IQGAP3: variants seen among roughly 807,000 people sequenced by gnomAD.
IQGAP3 encodes the protein ras GTPase-activating-like protein IQGAP3.
IQGAP3 carries 165 observed loss-of-function variants against 208.2 expected under a neutral mutation model. The observed-to-expected ratio is 0.79, with a 90% CI of 0.70 to 0.90. The LOEUF is 0.90. IQGAP3 is among the 40% of genes least tolerant of loss of function. IQGAP3 has a pLI of 0.00. For synonymous variants in IQGAP3, 703 were observed against 803.6 expected, an observed-to-expected ratio of 0.87 and a Z score of 2.12; for missense variants, 1,811 against 2,043.1, an observed-to-expected ratio of 0.89 and a Z score of 2.19.
At chr1:156,542,968 TAA>T (rs112732808) in intron 22 of IQGAP3, among the ~76,000 whole-genome samples, 2 of 143,700 alleles carry the variant, frequency 1.4e-5, no homozygotes, top group African/African-American at 5.1e-5. Flanking sequence ...AATAATCAAT[TAA>T]AAAAAAAAAG....
At chr1:156,539,743 C>A (rs893855813) in intron 24 of IQGAP3, 95 bp downstream of exon 24, 65 of 1,422,918 alleles carry the variant, frequency 4.6e-5, no homozygotes, top group Non-Finnish European at 5.9e-5. Context: ...GGAAAGGACA[C>A]CTTGCATGGT....
chr1:156,543,998 T>A lies in IQGAP3; in HGVS notation c.2513A>T (p.Asp838Val). Residue 838 changes from aspartate to valine, a missense_variant, in exon 22 of 38, where the codon GAT (aspartate) becomes GTT (valine). Coordinates refer to ENST00000361170, the MANE Select transcript of IQGAP3 (RefSeq NM_178229.5). The part of the protein sequence containing the change: ...QAFFRARKAQ[D>V]DYRILVHAPH... ...CAGCTCACCTAATATCCTGTAGTCA[T>A]CTTGGGCTTTCCTGGCTCGGAAAAA... is the stretch of plus-strand genomic sequence containing the variant. 1 of 1,614,166 alleles carries A rather than the reference T, an allele frequency of 6.2e-7. No homozygotes were observed. Among genetic ancestry groups the A allele is most frequent in the Non-Finnish European group, 8.5e-7 (1 of 1,180,004 alleles).
intron 27 of IQGAP3, among the ~76,000 whole-genome samples, chr1:156,535,981 T>C (rs1178827407): frequency 6.6e-6 from 1 of 152,222 alleles, no homozygotes; most frequent in African/African-American, 2.4e-5. Flanking sequence ...ATTATCATTA[T>C]TATTCCTATT....
chr1:156,540,680 G>T lies in IQGAP3; in HGVS notation c.2739+28C>A, dbSNP rs751805777. ...CATCTCCAGAGGCAGGCAGATCTCG[G>T]GGAGGGGAGGACTGGTGGGCCCCAT... On this transcript the variant is annotated intron_variant, in intron 23 of 37. Transcript: ENST00000361170. The T allele has an allele frequency of 1.9e-6, 3 of 1,586,010 alleles. No homozygotes were observed. In the Admixed American group the frequency reaches 5.0e-5, roughly 27 times the overall value.
Position 156,540,798 on chromosome 1 carries a change from C to T in IQGAP3, c.2649G>A (p.Arg883=). The T allele has an allele frequency of 6.2e-7, 1 of 1,614,068 alleles. No individual in the cohort carries two copies. Among genetic ancestry groups the T allele is most frequent in the Non-Finnish European group, 8.5e-7 (1 of 1,180,028 alleles). The change falls in exon 23 of 38, where the codon AGG becomes AGA. Residue 883 remains arginine, a synonymous_variant. Coordinates refer to ENST00000361170, the MANE Select transcript of IQGAP3 (RefSeq NM_178229.5). ...CCAGCTGCTGATTGGATCGGATCTT[C>T]CTAACTACCTCTTCCTGGAGCTTCA... ...ELLKLQEEVV[R]KIRSNQQLEQ...
Position 156,539,455 on chromosome 1 carries a change from C to T in IQGAP3, c.2975G>A (p.Ser992Asn), listed in dbSNP as rs940518314. Residue 992 changes from serine to asparagine, a missense_variant, in exon 25 of 38, where the codon AGC becomes AAC. Coordinates refer to ENST00000361170, the MANE Select transcript of IQGAP3 (RefSeq NM_178229.5). ...TTKFMEAVIFSLYNYASSRRE... is the reference protein window; with the variant it reads ...TTKFMEAVIFNLYNYASSRRE... Reference sequence around the variant, plus strand: ...GCGGCTGGAGGCATAGTTGTACAGGCTGAAAATCACTGCCTCCATGAACTT... The same window carrying T: ...GCGGCTGGAGGCATAGTTGTACAGGTTGAAAATCACTGCCTCCATGAACTT... The T allele has an allele frequency of 6.2e-7, 1 of 1,614,024 alleles. No homozygotes were observed. The highest frequency in any genetic ancestry group is 8.5e-7 in the Non-Finnish European group (1 of 1,180,028).
chr1:156,539,285 G>A, intron 25 of IQGAP3, 89 bp downstream of exon 25: 2 of 1,243,478 alleles, frequency 1.6e-6, no homozygotes, highest in Non-Finnish European at 2.3e-6. Flanking sequence ...CTACCCTTAG[G>A]CCTCAACAAG....
chr1:156,544,970 GCA>G (rs1425330573), intron 19 of IQGAP3, among the ~76,000 whole-genome samples: 1 of 152,140 alleles, frequency 6.6e-6, no homozygotes, highest in African/African-American at 2.4e-5. Context: ...GTGTGTACAG[GCA>G]CAGAGCCGTG....
At position 156,563,804 on chromosome 1, in the gene IQGAP3, C is replaced by T. The variant is rs1335817792; in HGVS notation, c.458G>A (p.Gly153Glu). The part of the protein sequence containing the change: ...HALSLFLFRL[G>E]LAPQIHDLYG... ...TAGATCATGTATCTGAGGGGCCAAT[C>T]CCAGCCGGAAGAGGAAGAGACTAGG... Residue 153 changes from glycine to glutamate, a missense_variant, in exon 6 of 38, where the codon GGA (glycine) becomes GAA (glutamate). Transcript: ENST00000361170. 6.2e-7 allele frequency: 1 copy of T among 1,613,952 alleles called. No homozygotes were observed. The highest frequency in any genetic ancestry group is 8.5e-7 in the Non-Finnish European group (1 of 1,179,966).
At chr1:156,559,960 T>G (rs1676070234) in intron 11 of IQGAP3, among the ~76,000 whole-genome samples, 1 of 152,126 alleles carries the variant, frequency 6.6e-6, no homozygotes, top group Non-Finnish European at 1.5e-5. Context: ...CTGAGTGGAT[T>G]AGGAAAGCAG....
Position 156,548,202 on chromosome 1 carries a change from C to T in IQGAP3, c.2175G>A (p.Gln725=). The T allele has an allele frequency of 6.2e-7, 1 of 1,614,144 alleles. No homozygotes were observed. The highest frequency in any genetic ancestry group is 8.5e-7 in the Non-Finnish European group (1 of 1,180,006). ...TKVTAAYDRQ[Q]LWKANVGFVI... is the part of the protein sequence containing the mutation. The stretch of plus-strand genomic sequence containing the variant: ...CAAAGCCGACGTTGGCTTTCCAGAG[C>T]TGTTGGCGGTCATAGGCAGCAGTGA... The change falls in exon 19 of 38, where the codon CAG becomes CAA. Residue 725 remains glutamine (Q), a synonymous_variant. Coordinates refer to ENST00000361170, the MANE Select transcript of IQGAP3 (RefSeq NM_178229.5).
chr1:156,550,122 T>C (rs1675474851), intron 16 of IQGAP3, 139 bp downstream of exon 16: 3 of 637,584 alleles, frequency 4.7e-6, no homozygotes, highest in Non-Finnish European at 2.8e-6. Flanking sequence ...GCAGCCCTCC[T>C]GCTCTGACTC....
At position 156,552,025 on chromosome 1, in the gene IQGAP3, G is replaced by C; in HGVS notation, c.1519C>G (p.Leu507Val). Residue 507 changes from leucine to valine, a missense_variant, in exon 14 of 38, where the codon CTG becomes GTG. Physicochemically the swap from Leu to Val is conservative, Grantham distance 32. Coordinates refer to ENST00000361170, the MANE Select transcript of IQGAP3 (RefSeq NM_178229.5). ...TTGACCTGGCTCACGGTGGCCTGCA[G>C]GTCATTCCAGCTCAGGAAGTCCTCA... ...MGEDFLSWND[L>V]QATVSQVNAQ... 6.2e-7 allele frequency: 1 copy of C among 1,614,158 alleles called. No individual in the cohort carries two copies.
intron 13 of IQGAP3, among the ~76,000 whole-genome samples, chr1:156,553,611 C>T (rs1373390261): frequency 5.2e-5 from 6 of 114,780 alleles, no homozygotes; most frequent in Non-Finnish European, 6.8e-5. Context: ...GATGGAGTTT[C>T]GCTCTTGTTG....
rs760189431 is a variant in IQGAP3 at position 156,561,938 on chromosome 1, T to C, written c.941A>G (p.Lys314Arg). ...GGCCAGGGCAGGGTCTTGAAGGGCC[T>C]TGAGCAAGGCTTCAGGGCTCTGTCT... ...LERQSPEALL[K>R]ALQDPALALR... Residue 314 changes from lysine to arginine, a missense_variant, in exon 10 of 38, where the codon AAG becomes AGG. Transcript: ENST00000361170. 9 of 1,613,986 alleles carry C rather than the reference T, an allele frequency of 5.6e-6. No individual in the cohort carries two copies. Among genetic ancestry groups the C allele is most frequent in the Non-Finnish European group, 7.6e-6 (9 of 1,179,938 alleles).
intron 19 of IQGAP3, among the ~76,000 whole-genome samples, chr1:156,546,951 C>T (rs899905718): frequency 2.0e-5 from 3 of 152,240 alleles, no homozygotes; most frequent in Admixed American, 1.3e-4. Context: ...GAAGTGATTA[C>T]TCACCCGTGG....
intron 16 of IQGAP3, among the ~76,000 whole-genome samples, chr1:156,549,741 C>G (rs1207467120): frequency 1.3e-5 from 2 of 152,216 alleles, no homozygotes; most frequent in Non-Finnish European, 1.5e-5. Flanking sequence ...CTGCCTTCCA[C>G]TCACTAGCAG....
intron 11 of IQGAP3, 103 bp from the exon 12 acceptor site, chr1:156,556,796 G>T: frequency 9.1e-7 from 1 of 1,099,866 alleles, no homozygotes; most frequent in Non-Finnish European, 1.3e-6. Flanking sequence ...TGGGGAAATG[G>T]CTTTCCAACT....
chr1:156,569,528 CTTTTTTTTTTTTT>C (rs34005985), intron 1 of IQGAP3, 65 bp from the exon 2 acceptor site: 1 of 137,388 alleles, frequency 7.3e-6, no homozygotes. Context: ...ACTGAAGGGT[CTTTTTTTTTTTTT>C]TTTTTTTTTT....
Sources: gnomAD v4.1 joint callset for allele counts (sites outside exome capture counted in the v4.1 genomes callset) on GRCh38, gnomAD v4.1.1 for gene constraint, MANE v1.5 for transcripts, NCBI Gene and HGNC (gene_info 2026-07-23, HGNC 2026-07-21) for gene names.